EXOC3L2: variants seen among roughly 807,000 people sequenced by gnomAD.
EXOC3L2 encodes the protein exocyst complex component 3 like 2.
In EXOC3L2, 17 loss-of-function variants were observed where a neutral mutation model predicts 44.4. The ratio of observed to expected loss-of-function variants is 0.38; its 90% CI spans 0.26 to 0.57. EXOC3L2 has a LOEUF of 0.57. Among genes scored for constraint, EXOC3L2 ranks in the 20% least tolerant of loss-of-function variants. The probability of loss-of-function intolerance (pLI) is 0.65; values close to 1 mark genes in which losing one functional copy is unlikely to be tolerated. For missense variants in EXOC3L2, 541 were observed against 588.4 expected (o/e 0.92, Z 0.83); for synonymous variants, 256 against 253.7 (o/e 1.01, Z -0.09).
chr19:45,232,269 C>T (rs1222529736), intron 3 of EXOC3L2, among the ~76,000 whole-genome samples: 1 of 152,108 alleles, frequency 6.6e-6, no homozygotes, highest in Admixed American at 6.6e-5. Flanking sequence ...GCTTACATGC[C>T]TGGAGCTATG....
At position 45,228,019 on chromosome 19, in the gene EXOC3L2, C is replaced by T. The variant is rs766109742; in HGVS notation, c.1427G>A (p.Arg476Gln). The T allele has an allele frequency of 3.0e-5, 48 of 1,613,938 alleles. No individual in the cohort carries two copies. In the East Asian group the frequency reaches 4.0e-4, roughly 13 times the overall value. ...APRISQEFGE[R>Q]MAHCCLGGLA... ...CCCGCCTAGGCAGCAGTGGGCCATCCGCTCCCCAAACTCCTGGCTGATGCG... is the reference window on the plus strand; with the variant it reads ...CCCGCCTAGGCAGCAGTGGGCCATCTGCTCCCCAAACTCCTGGCTGATGCG... The change falls in exon 6 of 12, where the codon CGG becomes CAG. Residue 476 changes from arginine to glutamine, a missense_variant. Coordinates refer to ENST00000413988, the MANE Select transcript of EXOC3L2 (RefSeq NM_001382422.1).
intron 7 of EXOC3L2, among the ~76,000 whole-genome samples, chr19:45,226,747 CTTTTT>C (rs957385712): frequency 5.5e-5 from 5 of 90,668 alleles, no homozygotes; most frequent in African/African-American, 3.1e-4. Context: ...ACTCCCATCT[CTTTTT>C]TTTTTTTTTT....
intron 11 of EXOC3L2, among the ~76,000 whole-genome samples, 194 bp downstream of exon 11, chr19:45,215,879 C>T (rs1341146942): frequency 6.6e-6 from 1 of 152,138 alleles, no homozygotes; most frequent in Non-Finnish European, 1.5e-5. Flanking sequence ...GTGGCGGTGG[C>T]GGCGGAGGCA....
chr19:45,221,941 C>CG (rs1969902896), intron 8 of EXOC3L2, among the ~76,000 whole-genome samples: 2 of 151,782 alleles, frequency 1.3e-5, no homozygotes, highest in South Asian at 4.2e-4. Flanking sequence ...TGAGCCACCA[C>CG]GCCCGGCCAG....
Position 45,224,825 on chromosome 19 carries a change from G to A in EXOC3L2, c.1672C>T (p.Arg558Trp), listed in dbSNP as rs764394851. 3.1e-5 allele frequency: 50 copies of A among 1,588,596 alleles called. No homozygotes were observed. Among genetic ancestry groups the A allele is most frequent in the South Asian group, 1.3e-4 (11 of 87,616 alleles). The change falls in exon 8 of 12, where the codon CGG becomes TGG. Residue 558 changes from arginine (R) to tryptophan (W), a missense_variant. Physicochemically the swap from Arg to Trp is moderately radical, Grantham distance 101. Coordinates refer to ENST00000413988, the MANE Select transcript of EXOC3L2 (RefSeq NM_001382422.1). Reference sequence around the variant, plus strand: ...TTGGCCACGACACGGTGGCAGAGCCGGGTCACATGGTCCAGAGCACTAGCA... The same window carrying A: ...TTGGCCACGACACGGTGGCAGAGCCAGGTCACATGGTCCAGAGCACTAGCA... The part of the protein sequence containing the change: ...ASASALDHVT[R>W]LCHRVVANLL...
intron 1 of EXOC3L2, among the ~76,000 whole-genome samples, chr19:45,239,757 C>T (rs1279869668): frequency 2.7e-5 from 4 of 150,794 alleles, no homozygotes; most frequent in East Asian, 3.9e-4. Context: ...CTGACTCAGG[C>T]GATCCACCTA....
intron 7 of EXOC3L2, 103 bp from the exon 8 acceptor site, chr19:45,225,016 G>C (rs2122969292): frequency 1.5e-6 from 2 of 1,312,460 alleles, no homozygotes; most frequent in South Asian, 4.4e-5. Flanking sequence ...AGGGGTGACA[G>C]GTCAGATGGG....
chr19:45,239,179 A>C (rs1970110044), intron 1 of EXOC3L2, 118 bp from the exon 2 acceptor site: 3 of 393,980 alleles, frequency 7.6e-6, no homozygotes, highest in Non-Finnish European at 1.3e-5. Context: ...TGAGCACTTA[A>C]TAAGCCCTTG....
In EXOC3L2 at chr19:45,234,969, C is replaced by T; in HGVS notation, c.524-143G>A. 2 of 378,618 alleles carry T rather than the reference C, an allele frequency of 5.3e-6. No homozygotes were observed. Among genetic ancestry groups the T allele is most frequent in the Non-Finnish European group, 9.4e-6 (2 of 213,186 alleles). The allele number at this position is 378,618 out of a possible 1,614,324, so 23.5% of individuals were successfully genotyped here. On this transcript the variant is annotated intron_variant, in intron 2 of 11. Coordinates refer to ENST00000413988, the MANE Select transcript of EXOC3L2 (RefSeq NM_001382422.1). The surrounding 1 kb of genome is among the most constrained non-coding windows in gnomAD (Gnocchi z 5.0). The stretch of plus-strand genomic sequence containing the variant: ...GGGAAAGTGTGGGGGCAGAGAAGAG[C>T]CCGGAGAAGAGCAAGAAAGAAGGAT...
chr19:45,227,801 C>T (rs372221262), intron 6 of EXOC3L2, 29 bp from the exon 7 acceptor site: 50 of 1,592,406 alleles, frequency 3.1e-5, no homozygotes, highest in South Asian at 2.0e-4. Flanking sequence ...ACAGATAGGG[C>T]GCCACTGGGT....
At chr19:45,217,103 A>C (rs1424396510) in intron 10 of EXOC3L2, among the ~76,000 whole-genome samples, 2 of 151,224 alleles carry the variant, frequency 1.3e-5, no homozygotes, top group Admixed American at 1.3e-4. Flanking sequence ...GCTCACTGCA[A>C]CCTCCGCCTC....
rs1391318641 is a variant in EXOC3L2, at chr19:45,240,279, A to AT, written c.-16-1219dup. Among the ~76,000 whole-genome samples the AT allele has an allele frequency of 4.4e-4, 67 of 150,930 alleles. 1 individual carries two copies. Among genetic ancestry groups the AT allele is most frequent in the African/African-American group, 5.6e-4 (23 of 41,180 alleles). On this transcript the variant is annotated intron_variant, in intron 1 of 11. Transcript: ENST00000413988. ...ACCACCATGCCCACTTAATTAATTA[A>AT]TTAATTTATTTATTTATTTATTGAG...
At chr19:45,214,312 TTC>T (rs1969810532) in intron 11 of EXOC3L2, among the ~76,000 whole-genome samples, 1 of 152,160 alleles carries the variant, frequency 6.6e-6, no homozygotes, top group African/African-American at 2.4e-5. Context: ...GGGGTTCTGT[TTC>T]TCTGAGTATG....
chr19:45,232,572 G>T (rs1228675455), intron 3 of EXOC3L2, among the ~76,000 whole-genome samples: 1 of 152,150 alleles, frequency 6.6e-6, no homozygotes, highest in East Asian at 1.9e-4. Flanking sequence ...ACTGTCCAAC[G>T]TGTGGCTTGG....
rs141964431 is a variant in EXOC3L2, at chr19:45,231,908, G to A, written c.1158-34C>T. The A allele has an allele frequency of 7.5e-4, 1,115 of 1,482,758 alleles. 10 individuals carry two copies. In the East Asian group the frequency reaches 0.023, roughly 31 times the overall value. 91.9% of individuals were successfully genotyped at this position (1,482,758 alleles called of 1,614,324 possible). On this transcript the variant is annotated intron_variant, in intron 3 of 11. Transcript: ENST00000413988. ...GGGGGTGAGAGAAAAGGAGGTCTGT[G>A]AAAAGTGGGGCTGGGCAGTTGGAAC...
chr19:45,224,727 C>A, intron 8 of EXOC3L2, 51 bp downstream of exon 8: 1 of 1,526,250 alleles, frequency 6.6e-7, no homozygotes, highest in Non-Finnish European at 8.8e-7. Flanking sequence ...TGGGGGGCAG[C>A]GCTTCCCTGT....
At chr19:45,213,501 C>T (rs1476882539) in intron 11 of EXOC3L2, 144 bp from the exon 12 acceptor site, 1 of 903,780 alleles carries the variant, frequency 1.1e-6, no homozygotes, top group Non-Finnish European at 1.6e-6. Context: ...CAGAGCCTTC[C>T]CTCCAATCAG....
chr19:45,225,021 G>GA (rs1969941987), intron 7 of EXOC3L2, 108 bp from the exon 8 acceptor site: 1 of 1,300,140 alleles, frequency 7.7e-7, no homozygotes, highest in Admixed American at 3.4e-5. Flanking sequence ...TGACAGGTCA[G>GA]ATGGGGGGCT....
At chr19:45,235,164 A>G (rs1366662372) in intron 2 of EXOC3L2, among the ~76,000 whole-genome samples, 2 of 152,098 alleles carry the variant, frequency 1.3e-5, no homozygotes, top group African/African-American at 4.8e-5. Context: ...AGCCAGGCGT[A>G]GTGGCGTACA....
Sources: allele counts gnomAD v4.1 joint callset (sites outside exome capture counted in the v4.1 genomes callset), GRCh38; gene constraint gnomAD v4.1.1; non-coding constraint Gnocchi (gnomAD v3.1); transcripts MANE v1.5; gene names NCBI Gene and HGNC (gene_info 2026-07-23, HGNC 2026-07-21).